Variants in PRXL2C observed in about 807,000 individuals in gnomAD.
PRXL2C encodes peroxiredoxin-like 2C.
Under a neutral mutation model 24.9 loss-of-function variants are expected in PRXL2C, and 38 were observed. The ratio of observed to expected loss-of-function variants is 1.53; its 90% confidence interval spans 1.18 to 2.00. The LOEUF is 2.00. Ranked by LOEUF, PRXL2C falls within the 30% of genes most tolerant of loss-of-function variation. The pLI is 0.00. For synonymous variants in PRXL2C, 98 were observed against 117.2 expected (o/e 0.84, Z 1.06); for missense variants, 294 against 290.9 (o/e 1.01, Z -0.08).
In PRXL2C at chr9:96,653,392, G is replaced by A. The variant is rs190685533; in HGVS notation, c.261+1313C>T. Among the ~76,000 whole-genome samples the A allele has an allele frequency of 7.2e-5, 11 of 152,190 alleles. No individual in the cohort carries two copies. The East Asian group carries it at 1.7e-3, about 24-fold the overall frequency. On this transcript the variant is annotated intron_variant, in intron 2 of 5. Transcript: ENST00000375234. Reference sequence around the variant, plus strand: ...ACACCGCATGATCTCATTTACCTATGGAAACGAAAAAAGTAGAGTGTAATG... The same window carrying A: ...ACACCGCATGATCTCATTTACCTATAGAAACGAAAAAAGTAGAGTGTAATG...
At chr9:96,648,779 AT>A (rs1013794681) in intron 4 of PRXL2C, among the ~76,000 whole-genome samples, 12 of 149,112 alleles carry the variant, frequency 8.0e-5, no homozygotes, top group Middle Eastern at 3.4e-3. Flanking sequence ...AAAGTGCTAA[AT>A]TTTTTTTTTT....
At chr9:96,652,785 C>G (rs1848286602) in intron 2 of PRXL2C, among the ~76,000 whole-genome samples, 1 of 152,092 alleles carries the variant, frequency 6.6e-6, no homozygotes, top group African/African-American at 2.4e-5. Context: ...ATAATATGAT[C>G]CAGCAATCCC....
intron 2 of PRXL2C, 32 bp downstream of exon 2, chr9:96,654,673 G>C (rs747068183): frequency 1.9e-5 from 30 of 1,548,070 alleles, no homozygotes; most frequent in Non-Finnish European, 2.2e-5. Flanking sequence ...CTGCAGAAGC[G>C]GGCACTGGGC....
rs1266311481 is a variant in PRXL2C at position 96,640,915 on chromosome 9, A to G, written c.*844T>C. ...TTTTAAATACATATCTTAAATATCT[A>G]AAACAATTTTTTTCTCCATAGCTCC... On this transcript the variant is annotated 3_prime_UTR_variant, in exon 6 of 6. Coordinates refer to ENST00000375234, the MANE Select transcript of PRXL2C (RefSeq NM_153698.2). The G allele has an allele frequency of 6.6e-6, 1 of 152,164 alleles. No individual in the cohort carries two copies. Among genetic ancestry groups the G allele is most frequent in the East Asian group, 1.9e-4 (1 of 5,200 alleles). 9.4% of individuals were successfully genotyped at this position (152,164 alleles called of 1,614,324 possible).
Position 96,641,717 on chromosome 9 carries a change from A to G in PRXL2C, c.*42T>C. On this transcript the variant is annotated 3_prime_UTR_variant, in exon 6 of 6. Coordinates refer to ENST00000375234, the MANE Select transcript of PRXL2C (RefSeq NM_153698.2). ...ATTACACCCAGGCATTGAAGGTCAC[A>G]TTCCAGAAGGTCCAGTTGAAAGTGA... is the stretch of plus-strand genomic sequence containing the variant. 1 of 1,520,310 alleles carries G rather than the reference A, an allele frequency of 6.6e-7. No individual in the cohort carries two copies. Among genetic ancestry groups the G allele is most frequent in the Non-Finnish European group, 8.9e-7 (1 of 1,118,014 alleles). 94.2% of individuals were successfully genotyped at this position (1,520,310 alleles called of 1,614,324 possible). A position where few individuals can be genotyped will look rare whatever the true frequency, so the allele number is the denominator to read the frequency against.
At chr9:96,647,950 C>T (rs1393816691) in intron 4 of PRXL2C, among the ~76,000 whole-genome samples, 5 of 152,276 alleles carry the variant, frequency 3.3e-5, no homozygotes, top group East Asian at 3.9e-4. Context: ...GTCACCCAGG[C>T]GGGAGTGCAG....
chr9:96,645,007 C>T (rs558539277), intron 5 of PRXL2C, among the ~76,000 whole-genome samples: 2 of 145,068 alleles, frequency 1.4e-5, no homozygotes, highest in Non-Finnish European at 3.0e-5. Flanking sequence ...CCCAGGTTCA[C>T]GCCAGTCTCC....
rs757093736 is a variant in PRXL2C at position 96,654,771 on chromosome 9, A to C, written c.195T>G (p.His65Gln). 6.4e-7 allele frequency: 1 copy of C among 1,561,524 alleles called. No homozygotes were observed. The highest frequency in any genetic ancestry group is 8.7e-7 in the Non-Finnish European group (1 of 1,151,674). ...ATTCCTTGCAGATGTAACACAGGAA[A>C]TGCTGAAAGCCAAAACGGCAGAAAG... ...ERRAVVVFVRHFLCYICKEYV... is the reference protein window; with the variant it reads ...ERRAVVVFVRQFLCYICKEYV... Residue 65 changes from histidine to glutamine, a missense_variant and splice_region_variant, in exon 2 of 6, where the codon CAT becomes CAG. By Grantham distance (24) the His-to-Gln change is conservative. Transcript: ENST00000375234.
In PRXL2C at chr9:96,640,862, T is replaced by G. The variant is rs1344828169; in HGVS notation, c.*897A>C. ...AAAAAAAAAAAAAAATTCTTATAGT[T>G]CCCTTTCAAAAAGCACACTGACCAT... On this transcript the variant is annotated 3_prime_UTR_variant, in exon 6 of 6. Coordinates refer to ENST00000375234, the MANE Select transcript of PRXL2C (RefSeq NM_153698.2). 2.0e-5 allele frequency: 3 copies of G among 151,660 alleles called. No individual in the cohort carries two copies. In the East Asian group the frequency reaches 5.8e-4, roughly 29 times the overall value. 9.4% of individuals were successfully genotyped at this position (151,660 alleles called of 1,614,324 possible).
intron 5 of PRXL2C, among the ~76,000 whole-genome samples, chr9:96,643,250 CTTAT>C (rs954300262): frequency 2.0e-5 from 3 of 147,858 alleles, no homozygotes; most frequent in African/African-American, 5.3e-5. Context: ...TTCTTCTTTA[CTTAT>C]TTATTTTTGG....
intron 5 of PRXL2C, 62 bp downstream of exon 5, chr9:96,645,831 C>T (rs555010249): frequency 1.0e-5 from 15 of 1,452,486 alleles, no homozygotes; most frequent in Middle Eastern, 2.6e-4. Context: ...AAGAAAATGG[C>T]GGCCTCTGAA....
intron 5 of PRXL2C, 97 bp downstream of exon 5, chr9:96,645,796 C>T (rs1207325811): frequency 1.4e-5 from 17 of 1,203,644 alleles, no homozygotes; most frequent in Non-Finnish European, 1.8e-5. Context: ...GACTCCCTCT[C>T]GAAAAAAAAA....
chr9:96,645,632 C>G (rs996290210), intron 5 of PRXL2C, among the ~76,000 whole-genome samples: 1 of 151,766 alleles, frequency 6.6e-6, no homozygotes, highest in Non-Finnish European at 1.5e-5. Flanking sequence ...CCCGTCTCTA[C>G]TAAAAATTTA....
chr9:96,645,625 G>A (rs565081062), intron 5 of PRXL2C, among the ~76,000 whole-genome samples: 7 of 151,854 alleles, frequency 4.6e-5, no homozygotes, highest in African/African-American at 4.8e-5. Flanking sequence ...GTGAAACCCC[G>A]TCTCTACTAA....
chr9:96,646,147 T>A (rs900614239), intron 4 of PRXL2C, 123 bp from the exon 5 acceptor site: 16 of 1,135,508 alleles, frequency 1.4e-5, no homozygotes, highest in Non-Finnish European at 1.8e-5. Flanking sequence ...TCTTTTACCA[T>A]CAACATTTTG....
rs11299970 is a variant in PRXL2C at position 96,640,831 on chromosome 9, CA to C, written c.*927del. On this transcript the variant is annotated 3_prime_UTR_variant, in exon 6 of 6. Transcript: ENST00000375234. The stretch of plus-strand genomic sequence containing the variant: ...TGGGCAACAGAGTGAGACTCCATCT[CA>C]AAAAAAAAAAAAAAAAAAATTCTTA... The C allele has an allele frequency of 0.37, 30,517 of 82,936 alleles. 4,158 individuals are homozygous for C. The highest frequency in any genetic ancestry group is 0.56 in the African/African-American group (14,169 of 25,378). The allele number at this position is 82,936 out of a possible 1,614,324, so 5.1% of individuals were successfully genotyped here. A position where few individuals can be genotyped will look rare whatever the true frequency, so the allele number is the denominator to read the frequency against.
chr9:96,655,174 C>T lies in PRXL2C; in HGVS notation c.108G>A (p.Glu36=). The T allele has an allele frequency of 8.1e-7, 1 of 1,229,656 alleles. No individual in the cohort carries two copies. Among genetic ancestry groups the T allele is most frequent in the Non-Finnish European group, 1.0e-6 (1 of 988,110 alleles). The allele number at this position is 1,229,656 out of a possible 1,614,324, so 76.2% of individuals were successfully genotyped here. A position where few individuals can be genotyped will look rare whatever the true frequency, so the allele number is the denominator to read the frequency against. Residue 36 remains glutamate (E), a synonymous_variant, in exon 1 of 6, where the codon GAG becomes GAA. Transcript: ENST00000375234. ...GCCCGCGGGCGTCCAGCACCGGCAG[C>T]TCGGCCACGGCGGCCGCCAGGGGCT... The part of the protein sequence containing the change: ...SGQPLAAAVA[E]LPVLDARGQR...
chr9:96,653,898 T>C (rs1028245573), intron 2 of PRXL2C, among the ~76,000 whole-genome samples: 4 of 151,862 alleles, frequency 2.6e-5, no homozygotes, highest in Non-Finnish European at 4.4e-5. Flanking sequence ...TGGAGTGCAG[T>C]GGTGCAATTT....
At chr9:96,652,789 C>T (rs1848286697) in intron 2 of PRXL2C, among the ~76,000 whole-genome samples, 1 of 152,144 alleles carries the variant, frequency 6.6e-6, no homozygotes, top group Non-Finnish European at 1.5e-5. Context: ...TATGATCCAG[C>T]AATCCCACTA....
Sources: gnomAD v4.1 joint callset for allele counts (sites outside exome capture counted in the v4.1 genomes callset) on GRCh38, gnomAD v4.1.1 for gene constraint, MANE v1.5 for transcripts, NCBI Gene and HGNC (gene_info 2026-07-23, HGNC 2026-07-21) for gene names.